ITSN1: variants seen among roughly 807,000 people sequenced by gnomAD.
The protein encoded by ITSN1 is intersectin 1.
In ITSN1, 58 loss-of-function variants were observed where a neutral mutation model predicts 239.8. The observed-to-expected ratio is 0.24, with a 90% CI of 0.20 to 0.30. The LOEUF is 0.30. Among genes scored for constraint, ITSN1 ranks in the 10% least tolerant of loss-of-function variants. ITSN1 has a pLI of 1.00. For missense variants in ITSN1, 1,558 were observed against 2,103.3 expected (o/e 0.74, Z 5.07); for synonymous variants, 780 against 770.8 (o/e 1.01, Z -0.20).
At chr21:33,649,650 T>C (rs1030759696) in intron 1 of ITSN1, among the ~76,000 whole-genome samples, 3 of 152,090 alleles carry the variant, frequency 2.0e-5, no homozygotes, top group African/African-American at 7.2e-5. Flanking sequence ...TGGCCCTTCA[T>C]TGAGTGGTGG....
At chr21:33,698,250 T>C (rs1239112520) in intron 1 of ITSN1, among the ~76,000 whole-genome samples, 1 of 152,116 alleles carries the variant, frequency 6.6e-6, no homozygotes, top group Non-Finnish European at 1.5e-5. Flanking sequence ...TGCCATTGAG[T>C]GTTGCCAAGT....
intron 1 of ITSN1, among the ~76,000 whole-genome samples, chr21:33,672,262 T>G (rs1266337369): frequency 5.9e-5 from 9 of 152,146 alleles, no homozygotes; most frequent in Non-Finnish European, 1.2e-4. Flanking sequence ...TAATTTTATC[T>G]AATTCACGTG....
rs184289141 is a variant in ITSN1, at chr21:33,734,860, T to C, written c.186-184T>C. On this transcript the variant is annotated intron_variant, in intron 4 of 39. Coordinates refer to ENST00000381318, the MANE Select transcript of ITSN1 (RefSeq NM_003024.3). Reference sequence around the variant, plus strand: ...TGGCAGAGTGAAAGATATTTTATGTTTATATAAAACTTGGCCAGTATTTAC... The same window carrying C: ...TGGCAGAGTGAAAGATATTTTATGTCTATATAAAACTTGGCCAGTATTTAC... 2.6e-5 allele frequency among the ~76,000 whole-genome samples: 4 copies of C among 152,336 alleles called. No homozygotes were observed. The East Asian group carries it at 7.7e-4, about 29-fold the overall frequency.
intron 27 of ITSN1, among the ~76,000 whole-genome samples, chr21:33,830,818 G>A (rs902675782): frequency 4.1e-5 from 6 of 144,978 alleles, no homozygotes; most frequent in Non-Finnish European, 7.5e-5. Context: ...GGAGATACGT[G>A]TTGAAGTATT....
intron 33 of ITSN1, among the ~76,000 whole-genome samples, chr21:33,873,978 T>C (rs527500330): frequency 9.2e-5 from 14 of 151,554 alleles, no homozygotes; most frequent in South Asian, 6.3e-4. Flanking sequence ...CTGGCCAGCA[T>C]GGTGAAACCC....
intron 1 of ITSN1, among the ~76,000 whole-genome samples, chr21:33,668,777 G>A (rs2090081192): frequency 6.6e-6 from 1 of 152,162 alleles, no homozygotes; most frequent in Non-Finnish European, 1.5e-5. Flanking sequence ...GTGGAACAGT[G>A]CAAGCTCAGA....
intron 29 of ITSN1, among the ~76,000 whole-genome samples, chr21:33,844,273 T>A (rs779126973): frequency 3.9e-5 from 6 of 152,124 alleles, no homozygotes; most frequent in Non-Finnish European, 8.8e-5. Flanking sequence ...TTGGTTGATG[T>A]GGACAAGCTG....
At chr21:33,734,789 C>G (rs1309069561) in intron 4 of ITSN1, among the ~76,000 whole-genome samples, 1 of 152,090 alleles carries the variant, frequency 6.6e-6, no homozygotes, top group East Asian at 1.9e-4. Flanking sequence ...CTTTTGATGT[C>G]TAAAGTACAA....
At chr21:33,866,008 AG>A (rs1212910531) in intron 32 of ITSN1, among the ~76,000 whole-genome samples, 1 of 152,226 alleles carries the variant, frequency 6.6e-6, no homozygotes, top group African/African-American at 2.4e-5. Flanking sequence ...GGAGAAAAAA[AG>A]GAGGAAGAGA....
At chr21:33,836,327 C>A in intron 28 of ITSN1, 114 bp from the exon 29 acceptor site, 1 of 677,896 alleles carries the variant, frequency 1.5e-6, no homozygotes, top group Non-Finnish European at 2.3e-6. Flanking sequence ...CACCTACTGT[C>A]ACCCTCTTCT....
At chr21:33,858,931 C>T (rs1206723265) in intron 31 of ITSN1, 139 bp downstream of exon 31, 1 of 527,016 alleles carries the variant, frequency 1.9e-6, no homozygotes, top group South Asian at 3.1e-5. Context: ...CATTGCCACT[C>T]ACAAACACCA....
intron 8 of ITSN1, 81 bp downstream of exon 8, chr21:33,755,478 T>G (rs1602037472): frequency 1.3e-6 from 1 of 749,708 alleles, no homozygotes; most frequent in Non-Finnish European, 2.2e-6. Context: ...ATAGATATTT[T>G]CCATGTCTGT....
At chr21:33,821,931 T>C (rs777034888) in intron 24 of ITSN1, among the ~76,000 whole-genome samples, 7 of 151,864 alleles carry the variant, frequency 4.6e-5, no homozygotes, top group Non-Finnish European at 1.0e-4. Flanking sequence ...GAAAAATGAG[T>C]CTGTTAATGA....
chr21:33,732,091 G>A (rs1479902507), intron 4 of ITSN1, among the ~76,000 whole-genome samples: 1 of 152,208 alleles, frequency 6.6e-6, no homozygotes, highest in African/African-American at 2.4e-5. Flanking sequence ...TTCATTGAAA[G>A]AGTTATTATC....
chr21:33,644,961 A>G (rs2087802324), intron 1 of ITSN1, among the ~76,000 whole-genome samples: 2 of 151,824 alleles, frequency 1.3e-5, no homozygotes, highest in African/African-American at 4.8e-5. Flanking sequence ...ATCTGGGATC[A>G]CAGATGCACG....
At position 33,813,989 on chromosome 21, in the gene ITSN1, C is replaced by G; in HGVS notation, c.2644C>G (p.Pro882Ala). 6.2e-7 allele frequency: 1 copy of G among 1,614,186 alleles called. No homozygotes were observed. The change falls in exon 22 of 40, where the codon CCA (proline) becomes GCA (alanine). Residue 882 changes from proline (P) to alanine (A), a missense_variant. Pro to Ala is a conservative substitution (Grantham distance 27). Around this residue, in one of 2 missense-constraint regions of ITSN1, gnomAD observed 982 missense variants for 1,209.9 expected, o/e 0.81. Transcript: ENST00000381318. ...GGCAGCCCAGCCCTCTCTCACCGTTCCAAGTGCCGGCCAGTTAAGGCAGAG... is the reference window on the plus strand; with the variant it reads ...GGCAGCCCAGCCCTCTCTCACCGTTGCAAGTGCCGGCCAGTTAAGGCAGAG... Reference protein sequence around the residue: ...AWAAQPSLTVPSAGQLRQRSA... With the variant: ...AWAAQPSLTVASAGQLRQRSA...
At chr21:33,789,600 C>T (rs2070947556) in intron 16 of ITSN1, among the ~76,000 whole-genome samples, 1 of 152,112 alleles carries the variant, frequency 6.6e-6, no homozygotes, top group South Asian at 2.1e-4. Flanking sequence ...TTTTTCTCTT[C>T]ATATACATTA....
intron 1 of ITSN1, among the ~76,000 whole-genome samples, chr21:33,663,748 A>C (rs980613773): frequency 1.3e-5 from 2 of 152,132 alleles, no homozygotes; most frequent in African/African-American, 4.8e-5. Flanking sequence ...GATTGCAGGC[A>C]TGCATCACCA....
chr21:33,810,178 GA>G (rs1255471414), intron 20 of ITSN1, among the ~76,000 whole-genome samples: 1 of 152,196 alleles, frequency 6.6e-6, no homozygotes, highest in African/African-American at 2.4e-5. Flanking sequence ...AACTCGTAAA[GA>G]AAAGTAGAAT....
Sources: allele counts gnomAD v4.1 joint callset (sites outside exome capture counted in the v4.1 genomes callset), GRCh38; gene constraint gnomAD v4.1.1; regional missense constraint gnomAD v4.1.1; transcripts MANE v1.5; gene names NCBI Gene and HGNC (gene_info 2026-07-23, HGNC 2026-07-21).